Variants in TULP2 observed in about 807,000 individuals in gnomAD.
The protein encoded by TULP2 is tubby-related protein 2.
In TULP2, 64 loss-of-function variants were observed where a neutral mutation model predicts 60.3. The ratio of observed to expected loss-of-function variants is 1.06; its 90% CI spans 0.87 to 1.31. TULP2 has a LOEUF of 1.31. Ranked by LOEUF, TULP2 falls within the 50% of genes most tolerant of loss-of-function variation. The pLI, the probability that TULP2 is intolerant of heterozygous loss-of-function variation, is 0.00. For missense variants in TULP2, 652 were observed against 667.0 expected, an observed-to-expected ratio of 0.98 and a Z score of 0.25; for synonymous variants, 267 against 265.4, an observed-to-expected ratio of 1.01 and a Z score of -0.06.
chr19:48,897,285 G>C lies in TULP2; in HGVS notation c.84+60C>G, dbSNP rs767289716. ...TCCTAGAGCAAGACCTGGTGGAGAGGCCCCTGGGGAGGCACAGAAGGCGGA... is the reference window on the plus strand; with the variant it reads ...TCCTAGAGCAAGACCTGGTGGAGAGCCCCCTGGGGAGGCACAGAAGGCGGA... On this transcript the variant is annotated intron_variant, in intron 3 of 12. Transcript: ENST00000221399. The surrounding 1 kb of genome is among the most constrained non-coding windows in gnomAD (Gnocchi z 4.0). 63 of 1,576,224 alleles carry C rather than the reference G, an allele frequency of 4.0e-5. No homozygotes were observed. The highest frequency in any genetic ancestry group is 5.4e-5 in the Non-Finnish European group (62 of 1,150,572).
chr19:48,889,028 G>A (rs1219291012), intron 7 of TULP2, among the ~76,000 whole-genome samples: 2 of 143,180 alleles, frequency 1.4e-5, no homozygotes, highest in South Asian at 2.2e-4. Context: ...TCTGTCTCCC[G>A]GGCTGGAGTG....
At position 48,897,977 on chromosome 19, in the gene TULP2, T is replaced by TTATG. The variant is rs369912816; in HGVS notation, c.-1-112_-1-109dup. 167 of 867,352 alleles carry TTATG rather than the reference T, an allele frequency of 1.9e-4. 2 individuals are homozygous for TTATG. The highest frequency in any genetic ancestry group is 1.9e-3 in the East Asian group (51 of 27,012). 53.7% of individuals were successfully genotyped at this position (867,352 alleles called of 1,614,324 possible). On this transcript the variant is annotated intron_variant, in intron 1 of 12. Transcript: ENST00000221399. The surrounding 1 kb of genome is among the most constrained non-coding windows in gnomAD (Gnocchi z 4.0). The stretch of plus-strand genomic sequence containing the variant: ...TTTATTTATTTATTTATTTATTTAT[T>TTATG]TATGTATTTAGAGACAGCTGAGCCT...
chr19:48,882,051 T>G lies in TULP2; in HGVS notation c.1428A>C (p.Gln476His). 1 of 1,614,136 alleles carries G rather than the reference T, an allele frequency of 6.2e-7. No individual in the cohort carries two copies. Among genetic ancestry groups the G allele is most frequent in the Non-Finnish European group, 8.5e-7 (1 of 1,180,010 alleles). ...RVTRASVKNF[Q>H]IVDPKHQEHL... The stretch of plus-strand genomic sequence containing the variant: ...GCTCACGGTGTTTGGGATCCACGAT[T>G]TGGAAGTTCTTCACCGAAGCCCGAG... Residue 476 changes from glutamine (Q) to histidine (H), a missense_variant, in exon 12 of 13, where the codon CAA becomes CAC. Transcript: ENST00000221399.
At position 48,885,488 on chromosome 19, in the gene TULP2, G is replaced by T. The variant is rs1481419716; in HGVS notation, c.1021C>A (p.His341Asn). Residue 341 changes from histidine (H) to asparagine (N), a missense_variant, in exon 9 of 13, where the codon CAC becomes AAC. By Grantham distance (68) the His-to-Asn change is moderately conservative (BLOSUM62 1). Transcript: ENST00000221399. ...AAATTGTCCCCGTCCCGAGATAGGT[G>T]TGTAGGATCCAGGGAGATGAGGTAA... is the stretch of plus-strand genomic sequence containing the variant. ...SNYLISLDPT[H>N]LSRDGDNFVG... is the part of the protein sequence containing the mutation. 1 of 1,614,056 alleles carries T rather than the reference G, an allele frequency of 6.2e-7. No individual in the cohort carries two copies. Among genetic ancestry groups the T allele is most frequent in the South Asian group, 1.1e-5 (1 of 91,072 alleles).
chr19:48,889,331 T>TACAC (rs150357273), intron 7 of TULP2, among the ~76,000 whole-genome samples, 179 bp downstream of exon 7: 1 of 151,790 alleles, frequency 6.6e-6, no homozygotes, highest in African/African-American at 2.4e-5. Context: ...TGATGAATGG[T>TACAC]ACACACACAC....
rs185848906 is a variant in TULP2, at chr19:48,884,301, T to C, written c.1062-255A>G. On this transcript the variant is annotated intron_variant, in intron 9 of 12. Coordinates refer to ENST00000221399, the MANE Select transcript of TULP2 (RefSeq NM_003323.3). ...CTCTACAAAAAATAGAAAAATTAGT[T>C]GGGCGTGGCAGTTTGTGTCTATGGT... Among the ~76,000 whole-genome samples, 1,212 of 151,766 alleles carry C rather than the reference T, an allele frequency of 8.0e-3. 24 individuals carry two copies. Among genetic ancestry groups the C allele is most frequent in the African/African-American group, 0.027 (1,117 of 41,364 alleles).
Position 48,897,481 on chromosome 19 carries a change from A to G in TULP2, c.33-85T>C, listed in dbSNP as rs1379559550. 1.4e-6 allele frequency: 2 copies of G among 1,436,204 alleles called. No individual in the cohort carries two copies. Among genetic ancestry groups the G allele is most frequent in the African/African-American group, 1.4e-5 (1 of 70,466 alleles). The allele number at this position is 1,436,204 out of a possible 1,614,324, so 89.0% of individuals were successfully genotyped here. Reference sequence around the variant, plus strand: ...TCCCTCCTTCCCCCATCCTGCCCCTATCTCAGCTTGGGTTCTGGGCACCTG... The same window carrying G: ...TCCCTCCTTCCCCCATCCTGCCCCTGTCTCAGCTTGGGTTCTGGGCACCTG... On this transcript the variant is annotated intron_variant, in intron 2 of 12. Transcript: ENST00000221399. The surrounding 1 kb of genome is among the most constrained non-coding windows in gnomAD (Gnocchi z 4.0).
intron 12 of TULP2, among the ~76,000 whole-genome samples, chr19:48,881,796 G>A (rs1484325000): frequency 6.6e-6 from 1 of 152,172 alleles, no homozygotes; most frequent in Non-Finnish European, 1.5e-5. Flanking sequence ...AGGATTATAA[G>A]CGGGAGCTAC....
chr19:48,883,701 C>T (rs2037154431), intron 11 of TULP2, 53 bp downstream of exon 11: 8 of 1,591,742 alleles, frequency 5.0e-6, no homozygotes, highest in African/African-American at 4.0e-5. Flanking sequence ...CTAGGAGGAC[C>T]GGCCCCAGCC....
chr19:48,893,820 C>T (rs926406140), intron 6 of TULP2, among the ~76,000 whole-genome samples: 1 of 152,160 alleles, frequency 6.6e-6, no homozygotes, highest in African/African-American at 2.4e-5. Flanking sequence ...TCCCAAAGTG[C>T]TGGGATTACA....
At position 48,891,011 on chromosome 19, in the gene TULP2, C is replaced by A. The variant is rs375869920; in HGVS notation, c.515-1380G>T. Among the ~76,000 whole-genome samples, 29 of 150,788 alleles carry A rather than the reference C, an allele frequency of 1.9e-4. 1 individual carries two copies. The South Asian group carries it at 3.4e-3, about 18-fold the overall frequency. Reference sequence around the variant, plus strand: ...ATGAAGTACTGATAATACTACCACACGGATGAACCTTAAAATTTTATGGCC... The same window carrying A: ...ATGAAGTACTGATAATACTACCACAAGGATGAACCTTAAAATTTTATGGCC... On this transcript the variant is annotated intron_variant, in intron 6 of 12. Transcript: ENST00000221399.
chr19:48,891,610 G>A (rs2037233962), intron 6 of TULP2, among the ~76,000 whole-genome samples: 1 of 152,226 alleles, frequency 6.6e-6, no homozygotes, highest in Non-Finnish European at 1.5e-5. Flanking sequence ...CAGCCTGAAG[G>A]GGGCCTGCCC....
intron 11 of TULP2, 24 bp from the exon 12 acceptor site, chr19:48,882,227 G>A: frequency 1.2e-6 from 2 of 1,613,508 alleles, no homozygotes; most frequent in Non-Finnish European, 1.7e-6. Flanking sequence ...AAGGGGCTGT[G>A]GTTTTCTCAG....
intron 6 of TULP2, among the ~76,000 whole-genome samples, chr19:48,894,782 G>C (rs543737885): frequency 6.6e-6 from 1 of 152,260 alleles, no homozygotes; most frequent in Non-Finnish European, 1.5e-5. Flanking sequence ...GGACTTTGGC[G>C]TCTGCGGATC....
chr19:48,893,574 G>C (rs559951596), intron 6 of TULP2, among the ~76,000 whole-genome samples: 39 of 151,700 alleles, frequency 2.6e-4, no homozygotes, highest in Non-Finnish European at 4.7e-4. Flanking sequence ...TTTTCCTTGA[G>C]ACAAAGTCTC....
chr19:48,897,436 A>T lies in TULP2; in HGVS notation c.33-40T>A. The T allele has an allele frequency of 6.2e-7, 1 of 1,607,518 alleles. No homozygotes were observed. The highest frequency in any genetic ancestry group is 8.5e-7 in the Non-Finnish European group (1 of 1,176,178). Reference sequence around the variant, plus strand: ...GGCCCATGGTGACAGTGCACAGGGAACCTCGGTTGCCCAAGAGAGTCCCTC... The same window carrying T: ...GGCCCATGGTGACAGTGCACAGGGATCCTCGGTTGCCCAAGAGAGTCCCTC... On this transcript the variant is annotated intron_variant, in intron 2 of 12. Transcript: ENST00000221399. This position sits in a 1 kb window ranked among gnomAD's most constrained non-coding sequence, Gnocchi z 4.0.
intron 5 of TULP2, 24 bp downstream of exon 5, chr19:48,895,342 G>C: frequency 6.2e-6 from 10 of 1,611,442 alleles, no homozygotes; most frequent in Non-Finnish European, 8.5e-6. Flanking sequence ...CTGGGGTCTA[G>C]GAGGTCGGTG....
Position 48,881,080 on chromosome 19 carries a change from G to GA in TULP2, c.1493dup (p.Thr499HisfsTer9). On this transcript the variant is annotated frameshift_variant, in exon 13 of 13. Coordinates refer to ENST00000221399, the MANE Select transcript of TULP2 (RefSeq NM_003323.3). LOFTEE classifies it high-confidence loss of function. Reference sequence around the variant, plus strand: ...TAAATGGAAAGCAGAAGTCCATGGTGAATGTGTCTGGGCCCACTCGGCCGA... The same window carrying GA: ...TAAATGGAAAGCAGAAGTCCATGGTGAAATGTGTCTGGGCCCACTCGGCCGA... The GA allele has an allele frequency of 6.2e-7, 1 of 1,613,596 alleles. No homozygotes were observed.
chr19:48,895,209 G>A, intron 5 of TULP2, 47 bp from the exon 6 acceptor site: 2 of 1,598,672 alleles, frequency 1.3e-6, no homozygotes, highest in Non-Finnish European at 1.7e-6. Context: ...TGCTGCAGGA[G>A]GAGGCGGCTC....
Sources: allele counts gnomAD v4.1 joint callset (sites outside exome capture counted in the v4.1 genomes callset), GRCh38; gene constraint gnomAD v4.1.1; non-coding constraint Gnocchi (gnomAD v3.1); transcripts MANE v1.5; gene names NCBI Gene and HGNC (gene_info 2026-07-23, HGNC 2026-07-21).